Variants in NEB observed in about 807,000 individuals in gnomAD.
NEB encodes nemaline myopathy type 2.
Under a neutral mutation model 952.2 loss-of-function variants are expected in NEB, and 512 were observed. That is an observed-to-expected ratio of 0.54 (90% CI 0.50 to 0.58). NEB has a LOEUF of 0.58. Among genes scored for constraint, NEB ranks in the 20% least tolerant of loss-of-function variants. NEB has a pLI of 0.00. For synonymous variants in NEB, 2,900 were observed against 3,149.8 expected, an observed-to-expected ratio of 0.92 and a Z score of 2.66; for missense variants, 8,428 against 9,231.1, an observed-to-expected ratio of 0.91 and a Z score of 3.56.
In NEB at chr2:151,492,104, T is replaced by C. The variant is rs2057111589; in HGVS notation, c.25051A>G (p.Ile8351Val). 6.2e-7 allele frequency: 1 copy of C among 1,613,830 alleles called. No homozygotes were observed. Among genetic ancestry groups the C allele is most frequent in the East Asian group, 2.2e-5 (1 of 44,872 alleles). Residue 8351 changes from isoleucine to valine, a missense_variant, in exon 178 of 182, where the codon ATT becomes GTT. By Grantham distance (29) the Ile-to-Val change is conservative. Transcript: ENST00000397345. ...QKRNDQDQET[I>V]TGLRVWRTNP... ...CCAACCCAGGCTCAGTTACCTGTAATAGTCTCCTGATCTTGGTCATTCCGT... is the reference window on the plus strand; with the variant it reads ...CCAACCCAGGCTCAGTTACCTGTAACAGTCTCCTGATCTTGGTCATTCCGT...
chr2:151,610,221 A>G, intron 80 of NEB, 101 bp from the exon 81 acceptor site: 1 of 1,000,720 alleles, frequency 1.0e-6, no homozygotes, highest in Non-Finnish European at 1.4e-6. Context: ...TTATATTACA[A>G]ACATTTTGGC....
chr2:151,491,753 A>G lies in NEB; in HGVS notation c.25080T>C (p.Asn8360=). ...TITGLRVWRT[N]PGSVFDYDPA... ...GATCATAGTCAAAAACCGAACCAGG[A>G]TTAGTACGCCAGACACGTAAACCTG... Residue 8360 remains asparagine (N), a synonymous_variant, in exon 179 of 182, where the codon AAT becomes AAC. Coordinates refer to ENST00000397345, the MANE Select transcript of NEB (RefSeq NM_001164508.2). The G allele has an allele frequency of 6.3e-7, 1 of 1,593,294 alleles. No individual in the cohort carries two copies. Among genetic ancestry groups the G allele is most frequent in the South Asian group, 1.1e-5 (1 of 87,440 alleles).
chr2:151,489,941 A>G (rs2054834544), intron 181 of NEB, 30 bp downstream of exon 181: 2 of 1,508,114 alleles, frequency 1.3e-6, no homozygotes, highest in African/African-American at 2.7e-5. Context: ...ATTAAGAATA[A>G]TTTATTTAAG....
chr2:151,610,443 T>A, intron 80 of NEB, 73 bp downstream of exon 80: 1 of 1,111,708 alleles, frequency 9.0e-7, no homozygotes. Flanking sequence ...CTATAGAGTG[T>A]GTGGTTCACC....
chr2:151,621,802 C>T (rs1014301933), intron 71 of NEB, among the ~76,000 whole-genome samples: 12 of 152,208 alleles, frequency 7.9e-5, no homozygotes, highest in East Asian at 1.9e-4. Flanking sequence ...ATCCTCTTAA[C>T]GAAAAATTTT....
intron 45 of NEB, 80 bp from the exon 46 acceptor site, chr2:151,662,421 A>G: frequency 1.6e-6 from 2 of 1,213,946 alleles, no homozygotes; most frequent in Non-Finnish European, 2.2e-6. Context: ...ACATTCTGTA[A>G]CTTCCATTTC....
rs939034415 is a variant in NEB at position 151,619,669 on chromosome 2, T to C, written c.10654A>G (p.Ile3552Val). ...DDPKIMWSLH[I>V]AKVQSDREYK... is the part of the protein sequence containing the mutation. ...TCACGGTCACTCTGCACTTTGGCAA[T>C]GTGGAGGGACCACATTATCTTGGGG... Residue 3552 changes from isoleucine to valine, a missense_variant, in exon 73 of 182, where the codon ATT becomes GTT. Coordinates refer to ENST00000397345, the MANE Select transcript of NEB (RefSeq NM_001164508.2). 6.2e-7 allele frequency: 1 copy of C among 1,613,866 alleles called. No individual in the cohort carries two copies.
intron 17 of NEB, 112 bp from the exon 18 acceptor site, chr2:151,695,794 A>G: frequency 3.8e-6 from 3 of 792,610 alleles, no homozygotes; most frequent in South Asian, 3.2e-5. Context: ...CAGAAGAGAC[A>G]TCTAGAGCTT....
At chr2:151,653,628 GTTGAT>G (rs1294517117) in intron 52 of NEB, among the ~76,000 whole-genome samples, 1 of 152,276 alleles carries the variant, frequency 6.6e-6, no homozygotes, top group East Asian at 1.9e-4. Flanking sequence ...GTTTGTTGAG[GTTGAT>G]TTATCATCTG....
chr2:151,491,812 G>T, intron 178 of NEB, 37 bp from the exon 179 acceptor site: 1 of 1,487,208 alleles, frequency 6.7e-7, no homozygotes, highest in Non-Finnish European at 9.2e-7. Flanking sequence ...AAGTGTTCTT[G>T]GAGTTTTCCA....
Position 151,697,332 on chromosome 2 carries a change from A to T in NEB, c.1365+18T>A. On this transcript the variant is annotated intron_variant, in intron 15 of 181. Coordinates refer to ENST00000397345, the MANE Select transcript of NEB (RefSeq NM_001164508.2). ...AAAAATGTTATTTGGAAAGTCAAACAATTGTCTTAGAACTTACATCACTGT... is the reference window on the plus strand; with the variant it reads ...AAAAATGTTATTTGGAAAGTCAAACTATTGTCTTAGAACTTACATCACTGT... 6.2e-7 allele frequency: 1 copy of T among 1,611,866 alleles called. No individual in the cohort carries two copies. Among genetic ancestry groups the T allele is most frequent in the Non-Finnish European group, 8.5e-7 (1 of 1,177,960 alleles).
intron 13 of NEB, among the ~76,000 whole-genome samples, chr2:151,704,673 C>T (rs1468429808): frequency 6.6e-6 from 1 of 152,192 alleles, no homozygotes; most frequent in East Asian, 1.9e-4. Context: ...AACTCTCTGA[C>T]CCCTTGCGCT....
At chr2:151,643,117 TTAA>T (rs756135944) in intron 58 of NEB, 30 bp downstream of exon 58, 71 of 1,575,626 alleles carry the variant, frequency 4.5e-5, no homozygotes, top group Non-Finnish European at 5.9e-5. Context: ...ACAAAAAAAA[TTAA>T]TAACCTCCTC....
At chr2:151,697,944 T>C (rs182680682) in intron 13 of NEB, among the ~76,000 whole-genome samples, 185 of 152,332 alleles carry the variant, frequency 1.2e-3, no homozygotes, top group African/African-American at 4.1e-3. Context: ...CGGGTGCCTG[T>C]AATCCCAGCT....
intron 52 of NEB, among the ~76,000 whole-genome samples, chr2:151,653,680 C>T (rs982935735): frequency 3.3e-5 from 5 of 152,064 alleles, no homozygotes; most frequent in Non-Finnish European, 5.9e-5. Flanking sequence ...AAGTAGAAAG[C>T]AGTAAAATTA....
At chr2:151,490,313 A>G in intron 180 of NEB, 59 bp downstream of exon 180, 1 of 1,552,020 alleles carries the variant, frequency 6.4e-7, no homozygotes, top group Non-Finnish European at 8.7e-7. Flanking sequence ...CATCTCTTAT[A>G]GTAACCATCA....
intron 12 of NEB, 65 bp from the exon 13 acceptor site, chr2:151,707,062 G>T: frequency 1.0e-6 from 1 of 974,942 alleles, no homozygotes; most frequent in South Asian, 1.6e-5. Flanking sequence ...TCTCTATTAT[G>T]AATATGACAT....
intron 11 of NEB, 76 bp downstream of exon 11, chr2:151,710,358 A>G (rs774548105): frequency 2.1e-6 from 2 of 949,302 alleles, no homozygotes; most frequent in Non-Finnish European, 1.6e-6. Flanking sequence ...ATTCAGGTAG[A>G]GCAAGTAGCT....
Position 151,562,756 on chromosome 2 carries a change from T to A in NEB, c.18746A>T (p.Asn6249Ile). 4 of 1,597,910 alleles carry A rather than the reference T, an allele frequency of 2.5e-6. No homozygotes were observed. Among genetic ancestry groups the A allele is most frequent in the Middle Eastern group, 1.7e-4 (1 of 6,034 alleles). Residue 6249 changes from asparagine to isoleucine, a missense_variant, in exon 120 of 182, where the codon AAT becomes ATT. By Grantham distance (149) the Asn-to-Ile change is moderately radical (BLOSUM62 -3). Transcript: ENST00000397345. ...AGCCAGCACGTGATTCATCATGTCA[T>A]TGGGGATATGAACATTTGCTTTGGT... The part of the protein sequence containing the change: ...EDTKANVHIP[N>I]DMMNHVLAKR...
Sources: allele counts gnomAD v4.1 joint callset (sites outside exome capture counted in the v4.1 genomes callset), GRCh38; gene constraint gnomAD v4.1.1; transcripts MANE v1.5; gene names NCBI Gene and HGNC (gene_info 2026-07-23, HGNC 2026-07-21).